The following PTPRD variants were observed in gnomAD, a reference collection of about 807,000 sequenced individuals.
The protein encoded by PTPRD is protein tyrosine phosphatase receptor type D.
Under a neutral mutation model 214.5 loss-of-function variants are expected in PTPRD, and 34 were observed. That is an observed-to-expected ratio of 0.16 (90% confidence interval 0.12 to 0.21). The LOEUF is 0.21. Ranked by LOEUF, PTPRD falls within the 10% of genes least tolerant of loss-of-function variation. The pLI, the probability that PTPRD is intolerant of heterozygous loss-of-function variation, is 1.00. For synonymous variants in PTPRD, 1,128 were observed against 845.7 expected (o/e 1.33, Z -5.79); for missense variants, 2,545 against 2,398.7 (o/e 1.06, Z -1.27).
rs371992352 is a variant in PTPRD, at chr9:10,259,169, C to T, written c.-545+81794G>A. ...TCCGGAGTAGCTGGGAATACAGGTG[C>T]CTGCCACCACGCCCGGCTAATTTTT... On this transcript the variant is annotated intron_variant, in intron 3 of 45. Transcript: ENST00000381196. 8.1e-4 allele frequency among the ~76,000 whole-genome samples: 123 copies of T among 151,592 alleles called. No individual in the cohort carries two copies. In the South Asian group the frequency reaches 0.024, roughly 30 times the overall value.
intron 8 of PTPRD, among the ~76,000 whole-genome samples, chr9:9,504,760 G>C (rs1044073163): frequency 4.6e-5 from 7 of 151,522 alleles, no homozygotes; most frequent in African/African-American, 1.7e-4. Flanking sequence ...AACCCTAAAG[G>C]TGTAACAAAA....
intron 8 of PTPRD, among the ~76,000 whole-genome samples, chr9:9,398,793 GAT>G (rs2068943562): frequency 6.6e-6 from 1 of 151,946 alleles, no homozygotes; most frequent in Non-Finnish European, 1.5e-5. Flanking sequence ...AACAGTGATA[GAT>G]TTGCTTTGGC....
chr9:9,311,363 C>A (rs916881781), intron 9 of PTPRD, among the ~76,000 whole-genome samples: 1 of 152,210 alleles, frequency 6.6e-6, no homozygotes, highest in South Asian at 2.1e-4. Flanking sequence ...ATATTATGTA[C>A]AGCTACCAGC....
rs1010031709 is a variant in PTPRD at position 10,349,028 on chromosome 9, T to A, written c.-599-8011A>T. 3.9e-5 allele frequency among the ~76,000 whole-genome samples: 6 copies of A among 152,098 alleles called. No individual in the cohort carries two copies. In the South Asian group the frequency reaches 6.2e-4, roughly 16 times the overall value. On this transcript the variant is annotated intron_variant, in intron 2 of 45. Coordinates refer to ENST00000381196, the MANE Select transcript of PTPRD (RefSeq NM_002839.4). ...ATAGGACAGAACTCAGAGTCATCCC[T>A]CTGCACACCTGAAACAAATGCATAT...
chr9:8,799,044 T>A (rs1473337739), intron 11 of PTPRD, among the ~76,000 whole-genome samples: 1 of 152,164 alleles, frequency 6.6e-6, no homozygotes, highest in Non-Finnish European at 1.5e-5. Flanking sequence ...TTATCCTAGA[T>A]ACTATATTAA....
intron 8 of PTPRD, among the ~76,000 whole-genome samples, chr9:9,441,550 T>C (rs1382302149): frequency 2.0e-5 from 3 of 152,178 alleles, no homozygotes; most frequent in African/African-American, 7.2e-5. Context: ...CTAAATGATC[T>C]GTTCTCTGCT....
At chr9:9,787,986 T>G (rs1032198234) in intron 5 of PTPRD, among the ~76,000 whole-genome samples, 6 of 151,454 alleles carry the variant, frequency 4.0e-5, no homozygotes, top group African/African-American at 1.2e-4. Context: ...TTTTGCCATT[T>G]TGACCAGGCT....
rs1487829837 is a variant in PTPRD, at chr9:8,927,235, T to C, written c.-104+91462A>G. ...TTTCTCATATTTATTTATTTATTTT[T>C]ATTATACTTTAAGTTCTGGGATACA... On this transcript the variant is annotated intron_variant, in intron 11 of 45. Coordinates refer to ENST00000381196, the MANE Select transcript of PTPRD (RefSeq NM_002839.4). Among the ~76,000 whole-genome samples, 3 of 152,148 alleles carry C rather than the reference T, an allele frequency of 2.0e-5. 1 individual carries two copies. The highest frequency in any genetic ancestry group is 7.2e-5 in the African/African-American group (3 of 41,426).
At chr9:8,556,884 G>C (rs75443445) in intron 14 of PTPRD, among the ~76,000 whole-genome samples, 7,188 of 152,118 alleles carry the variant, frequency 0.047, 487 homozygotes, top group African/African-American at 0.15. Flanking sequence ...GTAACCTAAT[G>C]AATTAGAAAG....
chr9:8,796,434 C>A (rs1349620983), intron 11 of PTPRD, among the ~76,000 whole-genome samples: 1 of 152,124 alleles, frequency 6.6e-6, no homozygotes, highest in Non-Finnish European at 1.5e-5. Flanking sequence ...CACTAAATTA[C>A]AATTATCAGC....
chr9:10,065,750 G>C (rs929983788), intron 3 of PTPRD, among the ~76,000 whole-genome samples: 2 of 151,828 alleles, frequency 1.3e-5, no homozygotes, highest in African/African-American at 4.8e-5. Flanking sequence ...CCCTGTTATT[G>C]CTCCTTAAAT....
intron 5 of PTPRD, among the ~76,000 whole-genome samples, chr9:9,781,833 C>A (rs909486895): frequency 6.6e-6 from 1 of 150,954 alleles, no homozygotes; most frequent in Non-Finnish European, 1.5e-5. Flanking sequence ...CGCTCTGTCG[C>A]CCAGGCTGGA....
chr9:9,297,287 A>G (rs1231718345), intron 9 of PTPRD, among the ~76,000 whole-genome samples: 2 of 151,686 alleles, frequency 1.3e-5, no homozygotes, highest in Non-Finnish European at 3.0e-5. Context: ...ATTTTTCTGC[A>G]ATCTTTATAG....
At chr9:9,347,059 T>C (rs1596152507) in intron 9 of PTPRD, among the ~76,000 whole-genome samples, 1 of 152,042 alleles carries the variant, frequency 6.6e-6, no homozygotes, top group Admixed American at 6.6e-5. Flanking sequence ...CTTAACACTT[T>C]GGGAAGCCAA....
chr9:8,359,180 T>G (rs1052001093), intron 39 of PTPRD, among the ~76,000 whole-genome samples: 1 of 148,004 alleles, frequency 6.8e-6, no homozygotes, highest in African/African-American at 2.5e-5. Context: ...GCAGGGATCT[T>G]AGAGATCTGG....
At chr9:9,140,797 C>G (rs948477087) in intron 10 of PTPRD, among the ~76,000 whole-genome samples, 2 of 152,146 alleles carry the variant, frequency 1.3e-5, no homozygotes, top group Admixed American at 1.3e-4. Flanking sequence ...CCAGGATGGT[C>G]TCGATCTCCT....
At chr9:8,954,850 T>C (rs921643664) in intron 11 of PTPRD, among the ~76,000 whole-genome samples, 1 of 151,790 alleles carries the variant, frequency 6.6e-6, no homozygotes, top group Non-Finnish European at 1.5e-5. Flanking sequence ...TTTGAGTAAA[T>C]ATTGAAAATA....
intron 14 of PTPRD, among the ~76,000 whole-genome samples, chr9:8,613,740 T>A (rs1398746146): frequency 6.6e-6 from 1 of 152,052 alleles, no homozygotes; most frequent in Non-Finnish European, 1.5e-5. Context: ...ACAAAATGAG[T>A]CTAATCCCTC....
intron 3 of PTPRD, among the ~76,000 whole-genome samples, chr9:10,042,190 C>A (rs2097307753): frequency 6.6e-6 from 1 of 151,914 alleles, no homozygotes; most frequent in East Asian, 1.9e-4. Flanking sequence ...GCAAATTTAA[C>A]CCCCTTTTCA....
Sources: gnomAD v4.1 joint callset for allele counts (sites outside exome capture counted in the v4.1 genomes callset) on GRCh38, gnomAD v4.1.1 for gene constraint, MANE v1.5 for transcripts, NCBI Gene and HGNC (gene_info 2026-07-23, HGNC 2026-07-21) for gene names.